UBQLN1: variants seen among roughly 807,000 people sequenced by gnomAD.
UBQLN1 encodes ubiquilin 1, also known as ubiquilin-1.
UBQLN1 carries 13 observed loss-of-function variants against 65.4 expected under a neutral mutation model. That is an observed-to-expected ratio of 0.20 (90% CI 0.13 to 0.32). The LOEUF (loss-of-function observed/expected upper bound fraction) is 0.32, where lower values mean the gene tolerates loss of function less well. UBQLN1 is among the 10% of genes least tolerant of loss of function. The pLI is 1.00. For missense variants in UBQLN1, 561 were observed against 724.0 expected (o/e 0.77, Z 2.58); for synonymous variants, 267 against 247.8 (o/e 1.08, Z -0.73).
chr9:83,660,020 G>T lies in UBQLN1; in HGVS notation c.*1767C>A, dbSNP rs1831539113. 6.6e-6 allele frequency: 1 copy of T among 152,172 alleles called. No homozygotes were observed. Among genetic ancestry groups the T allele is most frequent in the Non-Finnish European group, 1.5e-5 (1 of 68,044 alleles). The allele number at this position is 152,172 out of a possible 1,614,324, so 9.4% of individuals were successfully genotyped here. A position where few individuals can be genotyped will look rare whatever the true frequency, so the allele number is the denominator to read the frequency against. The stretch of plus-strand genomic sequence containing the variant: ...TTATGATTAATAAATTGTCAAATTA[G>T]TTATGACACTATCCCACACTGAATA... On this transcript the variant is annotated 3_prime_UTR_variant, in exon 11 of 11. Coordinates refer to ENST00000376395, the MANE Select transcript of UBQLN1 (RefSeq NM_013438.5).
chr9:83,674,712 T>G (rs1486987631), intron 6 of UBQLN1, among the ~76,000 whole-genome samples: 1 of 152,218 alleles, frequency 6.6e-6, no homozygotes, highest in Non-Finnish European at 1.5e-5. Flanking sequence ...GAGTGCTATT[T>G]CTAAGTTCTT....
At chr9:83,679,598 C>T (rs1488674496) in intron 4 of UBQLN1, among the ~76,000 whole-genome samples, 177 bp downstream of exon 4, 2 of 152,170 alleles carry the variant, frequency 1.3e-5, no homozygotes, top group African/African-American at 4.8e-5. Flanking sequence ...TTCAATTTAA[C>T]AGAAAATTCA....
At position 83,707,899 on chromosome 9, in the gene UBQLN1, T is replaced by A. The variant is rs1359914358; in HGVS notation, c.-220A>T. ...CGGGTCAGGCGCTCGGCAGCCGCCG[T>A]GTGTTCAGGCGCCGCTCGCTCACAC... On this transcript the variant is annotated 5_prime_UTR_variant, in exon 1 of 11. Transcript: ENST00000376395. The A allele has an allele frequency of 2.9e-5, 17 of 585,788 alleles. No homozygotes were observed. The South Asian group carries it at 2.9e-4, about 10-fold the overall frequency. 36.3% of individuals were successfully genotyped at this position (585,788 alleles called of 1,614,324 possible). A position where few individuals can be genotyped will look rare whatever the true frequency, so the allele number is the denominator to read the frequency against.
chr9:83,671,825 T>A (rs1419729982), intron 6 of UBQLN1, among the ~76,000 whole-genome samples: 1 of 152,226 alleles, frequency 6.6e-6, no homozygotes, highest in Non-Finnish European at 1.5e-5. Context: ...TTTGAAGAAC[T>A]GAAGCTAAGA....
At chr9:83,706,934 G>A (rs1163738558) in intron 1 of UBQLN1, among the ~76,000 whole-genome samples, 1 of 151,820 alleles carries the variant, frequency 6.6e-6, no homozygotes, top group Non-Finnish European at 1.5e-5. Context: ...GCTAAAAACA[G>A]TTTCTACGTC....
chr9:83,702,643 T>C (rs1832330884), intron 1 of UBQLN1, among the ~76,000 whole-genome samples: 1 of 152,202 alleles, frequency 6.6e-6, no homozygotes, highest in African/African-American at 2.4e-5. Flanking sequence ...AGTATTAAGA[T>C]ATTTATTTTG....
chr9:83,674,554 AT>A (rs1364829349), intron 6 of UBQLN1, among the ~76,000 whole-genome samples: 2 of 152,354 alleles, frequency 1.3e-5, no homozygotes, highest in African/African-American at 2.4e-5. Context: ...GTGATGACTA[AT>A]TTAACAGTTA....
chr9:83,671,143 C>T (rs1831723400), intron 6 of UBQLN1, among the ~76,000 whole-genome samples: 2 of 152,154 alleles, frequency 1.3e-5, no homozygotes. Flanking sequence ...CTCCACTTCA[C>T]ATTCTAGTTC....
chr9:83,691,596 T>C (rs917463082), intron 1 of UBQLN1, among the ~76,000 whole-genome samples: 1 of 152,168 alleles, frequency 6.6e-6, no homozygotes, highest in Admixed American at 6.5e-5. Flanking sequence ...GAAAATTACC[T>C]CCATTAATCA....
rs568998289 is a variant in UBQLN1 at position 83,663,070 on chromosome 9, GA to G, written c.1617+804del. The stretch of plus-strand genomic sequence containing the variant: ...CACTTTGTCAAAAGGGAAAGGGAAA[GA>G]AAAAAAAAAAAGGGAAAGGCAAAGA... On this transcript the variant is annotated intron_variant, in intron 10 of 10. Transcript: ENST00000376395. Among the ~76,000 whole-genome samples the G allele has an allele frequency of 3.0e-3, 314 of 106,330 alleles. 2 individuals are homozygous for G. The Middle Eastern group carries it at 0.056, about 19-fold the overall frequency. The allele number at this position is 106,330 out of a possible 152,430, so 69.8% of individuals were successfully genotyped here.
chr9:83,671,451 T>C (rs898642456), intron 6 of UBQLN1, among the ~76,000 whole-genome samples: 2 of 152,120 alleles, frequency 1.3e-5, no homozygotes, highest in African/African-American at 2.4e-5. Flanking sequence ...CCTTGATCCA[T>C]GGGCTGCATG....
chr9:83,693,399 G>A (rs1832159407), intron 1 of UBQLN1, among the ~76,000 whole-genome samples: 1 of 152,020 alleles, frequency 6.6e-6, no homozygotes, highest in South Asian at 2.1e-4. Context: ...ATCAACTGCT[G>A]TTCTGCAATA....
chr9:83,689,241 C>T (rs1045313931), intron 1 of UBQLN1, among the ~76,000 whole-genome samples: 3 of 152,226 alleles, frequency 2.0e-5, no homozygotes, highest in African/African-American at 7.2e-5. Context: ...CAGCATGTGT[C>T]AATACTTCAT....
intron 8 of UBQLN1, 50 bp from the exon 9 acceptor site, chr9:83,665,195 C>T (rs1480920203): frequency 5.0e-6 from 7 of 1,399,000 alleles, no homozygotes; most frequent in Middle Eastern, 1.8e-4. Flanking sequence ...AATCAGTGAA[C>T]GTAAATTTTT....
chr9:83,699,410 T>C (rs1832274717), intron 1 of UBQLN1, among the ~76,000 whole-genome samples: 1 of 152,194 alleles, frequency 6.6e-6, no homozygotes, highest in Admixed American at 6.5e-5. Flanking sequence ...GGTGCAATCA[T>C]AGCTCAGTGT....
intron 9 of UBQLN1, 68 bp downstream of exon 9, chr9:83,664,962 A>T (rs970353904): frequency 9.0e-7 from 1 of 1,115,748 alleles, no homozygotes; most frequent in Non-Finnish European, 1.3e-6. Flanking sequence ...GCAGAATAAT[A>T]CTAAATCTGA....
At chr9:83,698,857 C>T (rs1326475148) in intron 1 of UBQLN1, among the ~76,000 whole-genome samples, 1 of 148,702 alleles carries the variant, frequency 6.7e-6, no homozygotes, top group East Asian at 2.0e-4. Context: ...GAGGCTGCAG[C>T]AAGCCATGAT....
At chr9:83,673,827 G>A (rs1298319542) in intron 6 of UBQLN1, among the ~76,000 whole-genome samples, 1 of 151,900 alleles carries the variant, frequency 6.6e-6, no homozygotes, top group Non-Finnish European at 1.5e-5. Flanking sequence ...TTTGAGACAG[G>A]GTCTTGCTCT....
intron 6 of UBQLN1, among the ~76,000 whole-genome samples, chr9:83,672,260 C>G (rs1052885997): frequency 1.3e-5 from 2 of 152,230 alleles, no homozygotes; most frequent in African/African-American, 4.8e-5. Context: ...CATGTCTTCA[C>G]TGGAGTAGCA....
Sources: allele counts gnomAD v4.1 joint callset (sites outside exome capture counted in the v4.1 genomes callset), GRCh38; gene constraint gnomAD v4.1.1; transcripts MANE v1.5; gene names NCBI Gene and HGNC (gene_info 2026-07-23, HGNC 2026-07-21).